Variants in CENPC observed in about 807,000 individuals in gnomAD.
CENPC encodes the protein centromere protein C.
Under a neutral mutation model 112.1 loss-of-function variants are expected in CENPC, and 63 were observed. The ratio of observed to expected loss-of-function variants is 0.56; its 90% CI spans 0.46 to 0.69. CENPC has a LOEUF of 0.69. Ranked by LOEUF, CENPC falls within the 30% of genes least tolerant of loss-of-function variation. The pLI is 0.00. For missense variants in CENPC, 1,000 were observed against 1,103.8 expected (o/e 0.91, Z 1.33); for synonymous variants, 333 against 367.6 (o/e 0.91, Z 1.08).
At chr4:67,483,303 G>A (rs1039120939) in intron 17 of CENPC, among the ~76,000 whole-genome samples, 9 of 151,886 alleles carry the variant, frequency 5.9e-5, no homozygotes, top group African/African-American at 2.2e-4. Context: ...GGCTGCAGTG[G>A]GCTGATATCG....
chr4:67,503,198 T>C (rs1725640301), intron 12 of CENPC, among the ~76,000 whole-genome samples: 1 of 152,160 alleles, frequency 6.6e-6, no homozygotes, highest in South Asian at 2.1e-4. Context: ...CTACTACTCG[T>C]TCGCTCTCTT....
intron 17 of CENPC, among the ~76,000 whole-genome samples, chr4:67,476,628 C>T (rs543140958): frequency 4.6e-5 from 7 of 152,264 alleles, no homozygotes; most frequent in African/African-American, 1.7e-4. Context: ...TCCAGCTGAA[C>T]TTTAAATAAT....
intron 9 of CENPC, 84 bp from the exon 10 acceptor site, chr4:67,509,189 C>CAA: frequency 3.2e-6 from 2 of 633,330 alleles, no homozygotes; most frequent in Non-Finnish European, 5.3e-6. Flanking sequence ...TTTATATTTG[C>CAA]ATATAAACAT....
chr4:67,517,523 C>T (rs1301461905), intron 7 of CENPC, among the ~76,000 whole-genome samples: 1 of 151,006 alleles, frequency 6.6e-6, no homozygotes, highest in Non-Finnish European at 1.5e-5. Flanking sequence ...ATAAGGGCAG[C>T]CTAACATAAC....
intron 2 of CENPC, 127 bp downstream of exon 2, chr4:67,544,022 C>G (rs1476346092): frequency 1.6e-6 from 1 of 629,940 alleles, no homozygotes; most frequent in African/African-American, 1.9e-5. Flanking sequence ...TATAAGATGA[C>G]TACCCTTAAT....
At chr4:67,543,163 C>T (rs1191424663) in intron 2 of CENPC, among the ~76,000 whole-genome samples, 4 of 152,106 alleles carry the variant, frequency 2.6e-5, no homozygotes, top group Non-Finnish European at 5.9e-5. Flanking sequence ...ATAATAGATG[C>T]CTAAAGCCTA....
chr4:67,530,533 A>T (rs1726515990), intron 5 of CENPC, among the ~76,000 whole-genome samples: 1 of 152,174 alleles, frequency 6.6e-6, no homozygotes, highest in African/African-American at 2.4e-5. Flanking sequence ...AACCTTTATT[A>T]ACTCAATGGA....
At chr4:67,542,222 G>C (rs759622855) in intron 2 of CENPC, among the ~76,000 whole-genome samples, 4 of 152,108 alleles carry the variant, frequency 2.6e-5, no homozygotes, top group Non-Finnish European at 4.4e-5. Flanking sequence ...ACAACCAGTC[G>C]ACTCTCCCAT....
intron 12 of CENPC, among the ~76,000 whole-genome samples, chr4:67,495,785 T>A (rs1292276665): frequency 6.6e-6 from 1 of 152,216 alleles, no homozygotes; most frequent in Non-Finnish European, 1.5e-5. Flanking sequence ...ACTTTCTCTT[T>A]AAAGTTCTAA....
chr4:67,544,027 C>A, intron 2 of CENPC, 122 bp downstream of exon 2: 1 of 646,880 alleles, frequency 1.5e-6, no homozygotes, highest in Non-Finnish European at 2.8e-6. Flanking sequence ...GATGACTACC[C>A]TTAATCAGTG....
chr4:67,479,342 A>AT (rs1356827020), intron 17 of CENPC, among the ~76,000 whole-genome samples: 2 of 152,232 alleles, frequency 1.3e-5, no homozygotes. Context: ...GTCTCAATAA[A>AT]TTTAAGAAAA....
At chr4:67,474,098 T>C (rs1577967767) in intron 18 of CENPC, among the ~76,000 whole-genome samples, 2 of 151,908 alleles carry the variant, frequency 1.3e-5, no homozygotes, top group Non-Finnish European at 2.9e-5. Context: ...CGAGTCTCAC[T>C]CTGTCCCCTA....
At chr4:67,507,109 A>G (rs1453271669) in intron 10 of CENPC, among the ~76,000 whole-genome samples, 175 bp from the exon 11 acceptor site, 1 of 152,208 alleles carries the variant, frequency 6.6e-6, no homozygotes, top group African/African-American at 2.4e-5. Flanking sequence ...GGTTTCTAGG[A>G]CCTACCAAGA....
chr4:67,506,206 G>T (rs1378569757), intron 11 of CENPC, among the ~76,000 whole-genome samples: 1 of 152,092 alleles, frequency 6.6e-6, no homozygotes, highest in Non-Finnish European at 1.5e-5. Flanking sequence ...ACTAAATGTG[G>T]TCATTTTAAC....
At chr4:67,527,471 A>G (rs79022516) in intron 5 of CENPC, among the ~76,000 whole-genome samples, 2 of 149,526 alleles carry the variant, frequency 1.3e-5, no homozygotes, top group African/African-American at 4.9e-5. Context: ...AGCAGGAACA[A>G]CGCTAGAATT....
Position 67,470,467 on chromosome 4 carries a change from G to C in CENPC, c.*2138C>G, listed in dbSNP as rs1416858950. Reference sequence around the variant, plus strand: ...AGCAACTGTAATCCCAGCTACTCAGGAGGCTGACGCAGGAGAATTGCTTGA... The same window carrying C: ...AGCAACTGTAATCCCAGCTACTCAGCAGGCTGACGCAGGAGAATTGCTTGA... On this transcript the variant is annotated 3_prime_UTR_variant, in exon 19 of 19. Coordinates refer to ENST00000273853, the MANE Select transcript of CENPC (RefSeq NM_001812.4). 1 of 151,338 alleles carries C rather than the reference G, an allele frequency of 6.6e-6. No homozygotes were observed. Among genetic ancestry groups the C allele is most frequent in the Non-Finnish European group, 1.5e-5 (1 of 68,080 alleles). The allele number at this position is 151,338 out of a possible 1,614,324, so 9.4% of individuals were successfully genotyped here.
intron 12 of CENPC, among the ~76,000 whole-genome samples, chr4:67,496,730 G>A (rs568715332): frequency 1.8e-4 from 28 of 152,160 alleles, no homozygotes; most frequent in African/African-American, 6.5e-4. Context: ...AATGAAAGTC[G>A]GCTACTAAAG....
chr4:67,493,327 T>A (rs1035617996), intron 14 of CENPC: 8 of 176,346 alleles, frequency 4.5e-5, no homozygotes, highest in African/African-American at 2.4e-5. Flanking sequence ...ATGAGTTTAG[T>A]CCTTTGACTT....
rs1238465828 is a variant in CENPC at position 67,469,960 on chromosome 4, G to A, written c.*2645C>T. On this transcript the variant is annotated 3_prime_UTR_variant, in exon 19 of 19. Transcript: ENST00000273853. ...AGAACTTTCTGCAACTTGTATCTGT[G>A]ACATCTAATGTGGTAGCCACCAGTA... is the stretch of plus-strand genomic sequence containing the variant. The A allele has an allele frequency of 1.3e-5, 2 of 152,224 alleles. No individual in the cohort carries two copies. Among genetic ancestry groups the A allele is most frequent in the East Asian group, 3.8e-4 (2 of 5,198 alleles). The allele number at this position is 152,224 out of a possible 1,614,324, so 9.4% of individuals were successfully genotyped here.
Sources: allele counts gnomAD v4.1 joint callset (sites outside exome capture counted in the v4.1 genomes callset), GRCh38; gene constraint gnomAD v4.1.1; transcripts MANE v1.5; gene names NCBI Gene and HGNC (gene_info 2026-07-23, HGNC 2026-07-21).